Variants in RPS6KA5 observed in about 807,000 individuals in gnomAD.
RPS6KA5 encodes ribosomal protein S6 kinase A5.
Under a neutral mutation model 85.5 loss-of-function variants are expected in RPS6KA5, and 27 were observed. The observed-to-expected ratio is 0.32, with a 90% confidence interval of 0.23 to 0.44. RPS6KA5 has a LOEUF of 0.44. RPS6KA5 is among the 20% of genes least tolerant of loss of function. The probability of loss-of-function intolerance (pLI) is 1.00; values close to 1 mark genes in which losing one functional copy is unlikely to be tolerated. For synonymous variants in RPS6KA5, 334 were observed against 348.2 expected, an observed-to-expected ratio of 0.96 and a Z score of 0.46; for missense variants, 811 against 980.9, an observed-to-expected ratio of 0.83 and a Z score of 2.31.
intron 3 of RPS6KA5, among the ~76,000 whole-genome samples, chr14:90,954,173 T>C (rs780006411): frequency 2.6e-5 from 4 of 152,220 alleles, no homozygotes; most frequent in Non-Finnish European, 5.9e-5. Flanking sequence ...TTATGGAAAA[T>C]AGAAAGAGCC....
chr14:90,896,599 T>A (rs2034847422), intron 12 of RPS6KA5, among the ~76,000 whole-genome samples: 1 of 151,954 alleles, frequency 6.6e-6, no homozygotes, highest in Non-Finnish European at 1.5e-5. Flanking sequence ...GATCTTAGAG[T>A]GATGCATGGA....
intron 12 of RPS6KA5, among the ~76,000 whole-genome samples, chr14:90,898,379 C>T (rs1180988081): frequency 1.3e-5 from 2 of 152,162 alleles, no homozygotes; most frequent in Non-Finnish European, 2.9e-5. Context: ...CCTGGTCTCA[C>T]CATGATGTAT....
chr14:90,933,330 C>T (rs2037088569), intron 5 of RPS6KA5, among the ~76,000 whole-genome samples: 1 of 152,154 alleles, frequency 6.6e-6, no homozygotes, highest in African/African-American at 2.4e-5. Flanking sequence ...TCCAGCTGAA[C>T]TTCTCCTCTT....
At chr14:91,005,353 TAGGCCCATCTCAG>T (rs1468356539) in intron 1 of RPS6KA5, among the ~76,000 whole-genome samples, 1 of 152,222 alleles carries the variant, frequency 6.6e-6, no homozygotes, top group Admixed American at 6.5e-5. Context: ...TGATATGATA[TAGGCCCATCTCAG>T]AGCTCTTGAA....
chr14:90,984,204 T>C (rs2039963560), intron 2 of RPS6KA5, among the ~76,000 whole-genome samples: 1 of 152,194 alleles, frequency 6.6e-6, no homozygotes, highest in Non-Finnish European at 1.5e-5. Context: ...TTGACTGAAC[T>C]TGAGGTAGAG....
intron 14 of RPS6KA5, among the ~76,000 whole-genome samples, chr14:90,880,636 G>C (rs181395055): frequency 1.2e-4 from 19 of 152,108 alleles, no homozygotes; most frequent in African/African-American, 3.9e-4. Context: ...ATCCATTATT[G>C]AGAGTTGGGT....
At position 90,928,354 on chromosome 14, in the gene RPS6KA5, A is replaced by G. The variant is rs569788614; in HGVS notation, c.619-5158T>C. ...ATTAGTGAGCTGGATGTCCAAATTA[A>G]AAGCTTAGAAAAAGAATATGAAAGA... On this transcript the variant is annotated intron_variant, in intron 5 of 16. Coordinates refer to ENST00000614987, the MANE Select transcript of RPS6KA5 (RefSeq NM_004755.4). Among the ~76,000 whole-genome samples, 7 of 152,198 alleles carry G rather than the reference A, an allele frequency of 4.6e-5. No homozygotes were observed. The South Asian group carries it at 1.2e-3, about 27-fold the overall frequency.
At chr14:90,939,580 C>A (rs923031174) in intron 5 of RPS6KA5, among the ~76,000 whole-genome samples, 1 of 152,096 alleles carries the variant, frequency 6.6e-6, no homozygotes, top group Non-Finnish European at 1.5e-5. Flanking sequence ...TGGTGGAAGG[C>A]AAGAAGGAGC....
chr14:90,906,677 A>G (rs1001776418), intron 7 of RPS6KA5, among the ~76,000 whole-genome samples: 5 of 152,156 alleles, frequency 3.3e-5, no homozygotes, highest in Admixed American at 2.6e-4. Flanking sequence ...TAACAAATTC[A>G]GGTAAGGGAA....
chr14:90,971,675 C>A (rs2039328812), intron 3 of RPS6KA5, among the ~76,000 whole-genome samples: 1 of 152,156 alleles, frequency 6.6e-6, no homozygotes, highest in Non-Finnish European at 1.5e-5. Context: ...CGAATTTAAT[C>A]CCAATGGAAC....
At chr14:91,056,619 A>G (rs2043327445) in intron 1 of RPS6KA5, among the ~76,000 whole-genome samples, 1 of 152,198 alleles carries the variant, frequency 6.6e-6, no homozygotes, top group African/African-American at 2.4e-5. Flanking sequence ...TCCTGATGCA[A>G]CCCAGTTCTT....
chr14:90,898,429 A>G (rs1442121091), intron 12 of RPS6KA5, among the ~76,000 whole-genome samples: 1 of 152,226 alleles, frequency 6.6e-6, no homozygotes, highest in Non-Finnish European at 1.5e-5. Flanking sequence ...TCAATGTGGT[A>G]GAGAACTGGG....
chr14:91,009,108 G>C (rs1467739127), intron 1 of RPS6KA5, among the ~76,000 whole-genome samples: 5 of 152,042 alleles, frequency 3.3e-5, no homozygotes, highest in Non-Finnish European at 7.4e-5. Flanking sequence ...TTCCCTATTG[G>C]CCCCTGCTAT....
chr14:90,880,168 T>C (rs867790270), intron 14 of RPS6KA5, among the ~76,000 whole-genome samples: 5 of 152,330 alleles, frequency 3.3e-5, no homozygotes, highest in Middle Eastern at 3.4e-3. Flanking sequence ...TTTTTAAGTG[T>C]ATAGTTCGAT....
intron 1 of RPS6KA5, among the ~76,000 whole-genome samples, chr14:91,055,522 G>A (rs998595744): frequency 2.6e-5 from 4 of 152,166 alleles, no homozygotes; most frequent in Non-Finnish European, 4.4e-5. Context: ...GCTCACACCC[G>A]TAATCTCAGT....
chr14:90,955,643 T>TTTTAAG (rs1566789184), intron 3 of RPS6KA5, among the ~76,000 whole-genome samples: 1 of 151,592 alleles, frequency 6.6e-6, no homozygotes, highest in African/African-American at 2.4e-5. Context: ...TTAAAATTAA[T>TTTTAAG]TTCTTTAAAA....
In RPS6KA5 at chr14:90,875,188, A is replaced by T. The variant is rs1441426278; in HGVS notation, c.1996+13T>A. 1 of 1,606,506 alleles carries T rather than the reference A, an allele frequency of 6.2e-7. No individual in the cohort carries two copies. The highest frequency in any genetic ancestry group is 8.5e-7 in the Non-Finnish European group (1 of 1,176,354). ...CACATCATATAAAATGTAAAATTTC[A>T]TTAGATTCTTACCTTGGATCAAATC... On this transcript the variant is annotated intron_variant, in intron 15 of 16. Transcript: ENST00000614987.
At chr14:91,044,392 G>GGAAA (rs71461930) in intron 1 of RPS6KA5, among the ~76,000 whole-genome samples, 1,916 of 55,106 alleles carry the variant, frequency 0.035, 42 homozygotes, top group Middle Eastern at 0.045. Context: ...AAAGAAAGAA[G>GGAAA]GAAAGAAAGA....
chr14:90,987,819 C>A (rs1255615748), intron 2 of RPS6KA5, among the ~76,000 whole-genome samples: 2 of 152,174 alleles, frequency 1.3e-5, no homozygotes, highest in African/African-American at 4.8e-5. Context: ...TAGACACTAT[C>A]ATAAGCAAGG....
Sources: gnomAD v4.1 joint callset for allele counts (sites outside exome capture counted in the v4.1 genomes callset) on GRCh38, gnomAD v4.1.1 for gene constraint, MANE v1.5 for transcripts, NCBI Gene and HGNC (gene_info 2026-07-23, HGNC 2026-07-21) for gene names.